Variants in ADORA2B observed in about 807,000 individuals in gnomAD.
ADORA2B encodes the protein adenosine receptor A2b.
In ADORA2B, 18 loss-of-function variants were observed where a neutral mutation model predicts 20.8. That is an observed-to-expected ratio of 0.87 (90% CI 0.60 to 1.29). ADORA2B has a LOEUF of 1.29. Among genes scored for constraint, ADORA2B ranks in the 50% most tolerant of loss-of-function variants. ADORA2B has a pLI of 0.00. For missense variants in ADORA2B, 441 were observed against 422.7 expected, an observed-to-expected ratio of 1.04 and a Z score of -0.38; for synonymous variants, 179 against 178.3, an observed-to-expected ratio of 1.00 and a Z score of -0.03.
At chr17:15,915,274 G>A in the ADORA2B span, among the ~76,000 whole-genome samples, 6 of 152,162 alleles carry the variant, frequency 3.9e-5, no homozygotes, top group African/African-American at 1.4e-4. Context: ...CTGCTGCTGC[G>A]AAAGGCGCTC....
chr17:15,886,243 G>GTA, the ADORA2B span, among the ~76,000 whole-genome samples: 6 of 132,876 alleles, frequency 4.5e-5, no homozygotes, highest in African/African-American at 1.9e-4. Flanking sequence ...GAATCTTGTA[G>GTA]TGGCTCGCCC....
the ADORA2B span, among the ~76,000 whole-genome samples, chr17:15,916,015 A>C: frequency 6.6e-6 from 1 of 152,196 alleles, no homozygotes; most frequent in Admixed American, 6.5e-5. Context: ...CTGAGCAGGC[A>C]CTGATTTTCA....
chr17:15,975,078 G>A lies in ADORA2B; in HGVS notation c.735G>A (p.Leu245=), dbSNP rs1970236251. Residue 245 remains leucine, a synonymous_variant, in exon 2 of 2, where the codon CTG becomes CTA. Transcript: ENST00000304222. The part of the protein sequence containing the change: ...SLAMIVGIFA[L]CWLPVHAVNC... ...CCATGATTGTGGGGATTTTTGCCCT[G>A]TGCTGGTTACCTGTGCATGCTGTTA... is the stretch of plus-strand genomic sequence containing the variant. The A allele has an allele frequency of 6.2e-7, 1 of 1,614,022 alleles. No homozygotes were observed.
the ADORA2B span, among the ~76,000 whole-genome samples, chr17:15,869,056 A>G: frequency 5.3e-5 from 8 of 151,312 alleles, no homozygotes; most frequent in Admixed American, 5.3e-4. Context: ...ACAGTGGCTC[A>G]TGCCTGCAAT....
intron 1 of ADORA2B, among the ~76,000 whole-genome samples, chr17:15,954,702 G>A (rs1969945616): frequency 6.6e-6 from 1 of 152,194 alleles, no homozygotes; most frequent in Non-Finnish European, 1.5e-5. Flanking sequence ...AGGAGGTTGA[G>A]GCTGCAGTGA....
chr17:15,920,726 A>T, the ADORA2B span, among the ~76,000 whole-genome samples: 1 of 152,114 alleles, frequency 6.6e-6, no homozygotes, highest in Non-Finnish European at 1.5e-5. Context: ...TCTCAAAAAA[A>T]AAAAAAAAAA....
the ADORA2B span, among the ~76,000 whole-genome samples, chr17:15,916,043 G>A: frequency 6.6e-6 from 1 of 152,170 alleles, no homozygotes; most frequent in Non-Finnish European, 1.5e-5. Flanking sequence ...TCACCTCACG[G>A]GTCACTAACC....
rs149289236 is a variant in ADORA2B at position 15,964,734 on chromosome 17, A to G, written c.336-9945A>G. Among the ~76,000 whole-genome samples, 1,012 of 151,290 alleles carry G rather than the reference A, an allele frequency of 6.7e-3. 31 individuals are homozygous for G. Among genetic ancestry groups the G allele is most frequent in the African/African-American group, 0.023 (956 of 41,008 alleles). ...AAAAAAAAACCTTTTATAGTTTGGT[A>G]CCATAGGAAATCTGAAAAATAGATG... On this transcript the variant is annotated intron_variant, in intron 1 of 1. Coordinates refer to ENST00000304222, the MANE Select transcript of ADORA2B (RefSeq NM_000676.4).
At chr17:15,885,663 G>A in the ADORA2B span, among the ~76,000 whole-genome samples, 258 of 150,658 alleles carry the variant, frequency 1.7e-3, no homozygotes, top group African/African-American at 5.2e-3. Flanking sequence ...GCAGTGAGCC[G>A]AGATTGTGCC....
the ADORA2B span, among the ~76,000 whole-genome samples, chr17:15,877,064 T>G: frequency 2.6e-5 from 4 of 152,204 alleles, no homozygotes; most frequent in African/African-American, 7.2e-5. Context: ...TCATCCACAT[T>G]ATAGCATGTC....
At chr17:15,889,601 T>A in the ADORA2B span, among the ~76,000 whole-genome samples, 3 of 130,476 alleles carry the variant, frequency 2.3e-5, 1 homozygote, top group Non-Finnish European at 1.6e-5. Flanking sequence ...TTTAGATGTT[T>A]ACTCAGCCTA....
chr17:15,871,713 CATTA>C, the ADORA2B span, among the ~76,000 whole-genome samples: 8 of 152,254 alleles, frequency 5.3e-5, no homozygotes, highest in East Asian at 7.7e-4. Context: ...GAGCTTCCCT[CATTA>C]ATTAATTAAT....
At chr17:15,877,284 T>C in the ADORA2B span, among the ~76,000 whole-genome samples, 3 of 152,348 alleles carry the variant, frequency 2.0e-5, no homozygotes, top group South Asian at 6.2e-4. Context: ...TACAGTTCCT[T>C]TGTTCCACTG....
chr17:15,872,300 C>T, the ADORA2B span, among the ~76,000 whole-genome samples: 1,465 of 152,272 alleles, frequency 9.6e-3, 24 homozygotes, highest in African/African-American at 0.033. Flanking sequence ...ATACCAGTAC[C>T]ATGCCGTTTT....
chr17:15,910,633 C>T, the ADORA2B span, among the ~76,000 whole-genome samples: 3 of 152,054 alleles, frequency 2.0e-5, no homozygotes, highest in East Asian at 1.9e-4. Context: ...GATTTTTTTG[C>T]GATTTCCTTT....
the ADORA2B span, among the ~76,000 whole-genome samples, chr17:15,895,476 C>T: frequency 1.3e-5 from 2 of 152,066 alleles, no homozygotes; most frequent in Non-Finnish European, 2.9e-5. Flanking sequence ...GGCGGTTGCA[C>T]AGCAAATCCG....
the ADORA2B span, among the ~76,000 whole-genome samples, chr17:15,888,815 CATATATATATAT>C: frequency 4.3e-3 from 68 of 15,730 alleles, 2 homozygotes; most frequent in East Asian, 0.026. Flanking sequence ...TATGTGATGC[CATATATATATAT>C]ATATATATAT....
At chr17:15,943,402 C>T (rs1158243062), upstream of ADORA2B, among the ~76,000 whole-genome samples, 1 of 152,212 alleles carries the variant, frequency 6.6e-6, no homozygotes, top group Non-Finnish European at 1.5e-5. Context: ...TCCCAGCTCA[C>T]TGCAGCCTCG....
the ADORA2B span, among the ~76,000 whole-genome samples, chr17:15,878,422 T>C: frequency 6.6e-6 from 1 of 152,194 alleles, no homozygotes; most frequent in Non-Finnish European, 1.5e-5. Context: ...ATGATCTGAA[T>C]GCGGCACAAC....
Sources: allele counts gnomAD v4.1 joint callset (sites outside exome capture counted in the v4.1 genomes callset), GRCh38; gene constraint gnomAD v4.1.1; transcripts MANE v1.5; gene names NCBI Gene and HGNC (gene_info 2026-07-23, HGNC 2026-07-21).